The following YAF2 variants were observed in gnomAD, a reference collection of about 807,000 sequenced individuals.
The protein encoded by YAF2 is YY1-associated factor 2.
YAF2 carries 7 observed loss-of-function variants against 20.1 expected under a neutral mutation model. That is an observed-to-expected ratio of 0.35 (90% confidence interval 0.20 to 0.65). The LOEUF is 0.65. Ranked by LOEUF, YAF2 falls within the 30% of genes least tolerant of loss-of-function variation. The pLI is 0.69. For synonymous variants in YAF2, 74 were observed against 76.0 expected (o/e 0.97, Z 0.14); for missense variants, 151 against 219.2 (o/e 0.69, Z 1.96).
At position 42,181,857 on chromosome 12, in the gene YAF2, A is replaced by C. The variant is rs575580431; in HGVS notation, c.153-20092T>G. On this transcript the variant is annotated intron_variant, in intron 2 of 3. Transcript: ENST00000534854. Reference sequence around the variant, plus strand: ...CTAGAAAAGTATGAATGAGAAGCGTAGTAATAAGTATCTGAAAACTGTTTT... The same window carrying C: ...CTAGAAAAGTATGAATGAGAAGCGTCGTAATAAGTATCTGAAAACTGTTTT... Among the ~76,000 whole-genome samples the C allele has an allele frequency of 2.0e-5, 3 of 152,322 alleles. No homozygotes were observed. The South Asian group carries it at 6.2e-4, about 32-fold the overall frequency.
At position 42,160,549 on chromosome 12, in the gene YAF2, G is replaced by T; in HGVS notation, c.*40C>A. 1 of 1,493,716 alleles carries T rather than the reference G, an allele frequency of 6.7e-7. No homozygotes were observed. The highest frequency in any genetic ancestry group is 9.3e-7 in the Non-Finnish European group (1 of 1,077,322). 92.5% of individuals were successfully genotyped at this position (1,493,716 alleles called of 1,614,324 possible). A position where few individuals can be genotyped will look rare whatever the true frequency, so the allele number is the denominator to read the frequency against. ...CTTGGCATAATCTGTGTATTTGCAT[G>T]GTAGGACAGAAGTGACTAAGAAATT... On this transcript the variant is annotated 3_prime_UTR_variant, in exon 4 of 4. Coordinates refer to ENST00000534854, the MANE Select transcript of YAF2 (RefSeq NM_005748.6).
intron 2 of YAF2, among the ~76,000 whole-genome samples, chr12:42,164,372 G>C (rs964068273): frequency 6.6e-6 from 1 of 152,108 alleles, no homozygotes; most frequent in African/African-American, 2.4e-5. Context: ...GTGAGCAGGA[G>C]GTCAATACAT....
intron 2 of YAF2, chr12:42,232,715 A>C (rs2068019396): frequency 4.1e-6 from 4 of 985,316 alleles, no homozygotes; most frequent in Admixed American, 6.1e-5. Flanking sequence ...GACATAAAGC[A>C]AGTATGACAA....
intron 2 of YAF2, among the ~76,000 whole-genome samples, chr12:42,196,874 C>T (rs2066766686): frequency 6.6e-6 from 1 of 152,098 alleles, no homozygotes; most frequent in Non-Finnish European, 1.5e-5. Context: ...TTTGATCCTG[C>T]TGAAGCTCAA....
intron 2 of YAF2, among the ~76,000 whole-genome samples, chr12:42,209,645 G>A (rs1302779383): frequency 1.1e-4 from 15 of 140,108 alleles, no homozygotes; most frequent in African/African-American, 3.7e-4. Context: ...TGTGCCAAAA[G>A]AAATTCACCA....
chr12:42,210,812 T>C lies in YAF2; in HGVS notation c.152+26787A>G, dbSNP rs2067187109. 15 of 766,392 alleles carry C rather than the reference T, an allele frequency of 2.0e-5. No homozygotes were observed. In the South Asian group the frequency reaches 4.4e-4, roughly 22 times the overall value. The allele number at this position is 766,392 out of a possible 1,614,324, so 47.5% of individuals were successfully genotyped here. Reference sequence around the variant, plus strand: ...GTAAATATGGAAACAATTTGCTAAATATAATGTCAGTGGAAACTTCTCACA... The same window carrying C: ...GTAAATATGGAAACAATTTGCTAAACATAATGTCAGTGGAAACTTCTCACA... On this transcript the variant is annotated intron_variant, in intron 2 of 3. Transcript: ENST00000534854.
At chr12:42,193,740 G>C (rs2066676663) in intron 2 of YAF2, among the ~76,000 whole-genome samples, 1 of 152,198 alleles carries the variant, frequency 6.6e-6, no homozygotes, top group African/African-American at 2.4e-5. Context: ...CTGGGCTCAA[G>C]TGATCTGCCT....
intron 2 of YAF2, among the ~76,000 whole-genome samples, chr12:42,222,414 C>G (rs2067544939): frequency 6.6e-6 from 1 of 152,096 alleles, no homozygotes; most frequent in Admixed American, 6.5e-5. Context: ...AAAAGATCAA[C>G]CAGTAATCCA....
intron 2 of YAF2, among the ~76,000 whole-genome samples, chr12:42,165,180 C>A (rs116006172): frequency 6.6e-6 from 1 of 151,832 alleles, no homozygotes; most frequent in Non-Finnish European, 1.5e-5. Flanking sequence ...AGGCCCTGCC[C>A]TCATGCGCTA....
chr12:42,198,951 T>C (rs2066827854), intron 2 of YAF2, among the ~76,000 whole-genome samples: 1 of 152,228 alleles, frequency 6.6e-6, no homozygotes, highest in South Asian at 2.1e-4. Flanking sequence ...AAATATACCC[T>C]GATTTTGAAT....
intron 2 of YAF2, among the ~76,000 whole-genome samples, chr12:42,218,704 A>G (rs1435707095): frequency 6.6e-6 from 1 of 152,176 alleles, no homozygotes; most frequent in East Asian, 1.9e-4. Flanking sequence ...TAATCTTATT[A>G]AATGTTATCA....
At chr12:42,212,922 T>C (rs1323527662) in intron 2 of YAF2, among the ~76,000 whole-genome samples, 2 of 152,248 alleles carry the variant, frequency 1.3e-5, no homozygotes, top group Non-Finnish European at 2.9e-5. Flanking sequence ...GTAACTCTGC[T>C]AGTTTACTAG....
intron 2 of YAF2, among the ~76,000 whole-genome samples, chr12:42,223,327 T>TACACACACACACACACAC (rs548568577): frequency 7.6e-6 from 1 of 131,704 alleles, no homozygotes; most frequent in African/African-American, 2.9e-5. Context: ...TTCTTTAAAA[T>TACACACACACACACACAC]ACATACACAC....
intron 2 of YAF2, among the ~76,000 whole-genome samples, chr12:42,174,722 G>C (rs963817487): frequency 6.6e-6 from 1 of 152,150 alleles, no homozygotes; most frequent in Admixed American, 6.5e-5. Context: ...AGTATCATCT[G>C]TACAATGGTT....
chr12:42,233,885 G>A (rs918368606), intron 2 of YAF2: 1 of 985,316 alleles, frequency 1.0e-6, no homozygotes, highest in Non-Finnish European at 1.2e-6. Context: ...AGAATCTTCA[G>A]ATAGGCTGGG....
intron 2 of YAF2, among the ~76,000 whole-genome samples, chr12:42,202,176 G>A (rs2066917710): frequency 6.6e-6 from 1 of 151,866 alleles, no homozygotes; most frequent in Non-Finnish European, 1.5e-5. Flanking sequence ...GCCATTTCTA[G>A]CCTTCACCAA....
At chr12:42,208,689 T>C (rs2137213213) in intron 2 of YAF2, among the ~76,000 whole-genome samples, 1 of 152,240 alleles carries the variant, frequency 6.6e-6, no homozygotes. Flanking sequence ...ATAACAAATA[T>C]ACTAGCATAA....
intron 2 of YAF2, among the ~76,000 whole-genome samples, chr12:42,189,282 G>T (rs920928219): frequency 6.6e-6 from 1 of 152,214 alleles, no homozygotes; most frequent in Non-Finnish European, 1.5e-5. Context: ...GCAGGATATG[G>T]AGAATTCTGA....
intron 2 of YAF2, chr12:42,235,434 C>G: frequency 9.1e-7 from 1 of 1,100,892 alleles, no homozygotes; most frequent in Non-Finnish European, 1.1e-6. Context: ...TAACAATACC[C>G]TGTTCCACAC....
Sources: allele counts gnomAD v4.1 joint callset (sites outside exome capture counted in the v4.1 genomes callset), GRCh38; gene constraint gnomAD v4.1.1; transcripts MANE v1.5; gene names NCBI Gene and HGNC (gene_info 2026-07-23, HGNC 2026-07-21).